ROBO2: variants seen among roughly 807,000 people sequenced by gnomAD.
The protein encoded by ROBO2 is roundabout homolog 2.
Under a neutral mutation model 160.8 loss-of-function variants are expected in ROBO2, and 53 were observed. The observed-to-expected ratio is 0.33, with a 90% CI of 0.26 to 0.41. ROBO2 has a LOEUF of 0.41. Ranked by LOEUF, ROBO2 falls within the 10% of genes least tolerant of loss-of-function variation. The pLI is 1.00. For synonymous variants in ROBO2, 664 were observed against 611.7 expected, an observed-to-expected ratio of 1.09 and a Z score of -1.26; for missense variants, 1,577 against 1,722.4, an observed-to-expected ratio of 0.92 and a Z score of 1.49.
chr3:76,365,362 T>G (rs2075755443), intron 2 of ROBO2, among the ~76,000 whole-genome samples: 1 of 152,108 alleles, frequency 6.6e-6, no homozygotes, highest in Non-Finnish European at 1.5e-5. Flanking sequence ...CTCTTTCCTC[T>G]GAGCCTTTAA....
At chr3:76,504,581 T>C (rs920250444) in intron 2 of ROBO2, among the ~76,000 whole-genome samples, 4 of 132,764 alleles carry the variant, frequency 3.0e-5, no homozygotes, top group African/African-American at 1.1e-4. Flanking sequence ...CAGGCTGGAG[T>C]GCAGTGGTGC....
At chr3:76,014,992 A>G (rs1306397248) in intron 2 of ROBO2, among the ~76,000 whole-genome samples, 1 of 152,190 alleles carries the variant, frequency 6.6e-6, no homozygotes. Flanking sequence ...TAGGCCCTCA[A>G]TAACTTGAGC....
intron 2 of ROBO2, among the ~76,000 whole-genome samples, chr3:76,847,420 G>T (rs1559595977): frequency 1.3e-5 from 2 of 152,106 alleles, no homozygotes; most frequent in Admixed American, 6.6e-5. Flanking sequence ...ATGTACAAGA[G>T]ATTAATGGAT....
intron 2 of ROBO2, among the ~76,000 whole-genome samples, chr3:76,115,522 G>A (rs1042091504): frequency 3.3e-5 from 5 of 151,854 alleles, no homozygotes; most frequent in Non-Finnish European, 5.9e-5. Context: ...CAAGCTGCTT[G>A]GTATGTAAAA....
At chr3:76,637,028 C>A (rs2090378767) in intron 2 of ROBO2, among the ~76,000 whole-genome samples, 1 of 151,924 alleles carries the variant, frequency 6.6e-6, no homozygotes, top group African/African-American at 2.4e-5. Context: ...TGGGACTGAG[C>A]AAGCAGCAAG....
intron 2 of ROBO2, among the ~76,000 whole-genome samples, chr3:76,844,745 C>T (rs1475419672): frequency 2.0e-5 from 3 of 151,904 alleles, no homozygotes; most frequent in African/African-American, 7.2e-5. Flanking sequence ...AACACTCAAT[C>T]TAGAGGTTTG....
intron 2 of ROBO2, among the ~76,000 whole-genome samples, chr3:76,025,784 C>G (rs72890380): frequency 0.016 from 2,505 of 151,850 alleles, 62 homozygotes; most frequent in African/African-American, 0.057. Flanking sequence ...ATGTCTGGCT[C>G]CTAGTCACAA....
intron 2 of ROBO2, among the ~76,000 whole-genome samples, chr3:75,998,649 GT>G (rs2065795468): frequency 6.6e-6 from 1 of 152,180 alleles, no homozygotes; most frequent in African/African-American, 2.4e-5. Context: ...AACAATGTCA[GT>G]TTCTATCAGC....
At chr3:77,450,945 T>A (rs1469998858) in intron 2 of ROBO2, among the ~76,000 whole-genome samples, 7 of 151,990 alleles carry the variant, frequency 4.6e-5, no homozygotes, top group African/African-American at 9.7e-5. Flanking sequence ...GAAGGCATAT[T>A]TGAAATTCTA....
At chr3:77,442,098 G>A (rs143036271) in intron 2 of ROBO2, among the ~76,000 whole-genome samples, 1 of 152,046 alleles carries the variant, frequency 6.6e-6, no homozygotes, top group Admixed American at 6.5e-5. Context: ...GGATCACGAG[G>A]TCAGGAAATC....
intron 2 of ROBO2, among the ~76,000 whole-genome samples, chr3:75,997,156 C>T (rs1020345090): frequency 3.9e-5 from 6 of 152,102 alleles, no homozygotes; most frequent in Non-Finnish European, 8.8e-5. Flanking sequence ...CTCTAAATGA[C>T]ATTGGAAATG....
At chr3:76,079,625 A>G (rs2068753580) in intron 2 of ROBO2, among the ~76,000 whole-genome samples, 1 of 151,744 alleles carries the variant, frequency 6.6e-6, no homozygotes, top group African/African-American at 2.4e-5. Context: ...CTGGGATTAG[A>G]GGCGCATGCC....
chr3:76,497,134 C>T (rs2080192428), intron 2 of ROBO2, among the ~76,000 whole-genome samples: 1 of 152,186 alleles, frequency 6.6e-6, no homozygotes, highest in African/African-American at 2.4e-5. Flanking sequence ...ACTCCTGCCT[C>T]AGGGCCTTTG....
Position 76,802,271 on chromosome 3 carries a change from G to A in ROBO2, c.110-295743G>A, listed in dbSNP as rs1167034. Among the ~76,000 whole-genome samples, 1,143 of 152,276 alleles carry A rather than the reference G, an allele frequency of 7.5e-3. 9 individuals carry two copies. Among genetic ancestry groups the A allele is most frequent in the African/African-American group, 0.018 (729 of 41,552 alleles). On this transcript the variant is annotated intron_variant, in intron 2 of 26. Transcript: ENST00000487694. The stretch of plus-strand genomic sequence containing the variant: ...CAATATCTGCAGAGTGCAATCAAGC[G>A]AAGCACAATAAAATGAGATTTTTCC...
chr3:77,296,244 A>T (rs2153406015), intron 2 of ROBO2, among the ~76,000 whole-genome samples: 1 of 151,856 alleles, frequency 6.6e-6, no homozygotes, highest in Non-Finnish European at 1.5e-5. Flanking sequence ...GTAAAGACAT[A>T]AAGTAGAATT....
At chr3:76,911,722 A>G (rs1011374804) in intron 2 of ROBO2, among the ~76,000 whole-genome samples, 1 of 152,208 alleles carries the variant, frequency 6.6e-6, no homozygotes, top group African/African-American at 2.4e-5. Flanking sequence ...AATACAAATT[A>G]TTTTTGACTG....
intron 2 of ROBO2, among the ~76,000 whole-genome samples, chr3:76,046,114 T>C (rs1339591742): frequency 2.6e-5 from 4 of 151,930 alleles, no homozygotes; most frequent in Admixed American, 1.3e-4. Flanking sequence ...ATGAGGATGT[T>C]TGTGCTACAT....
chr3:77,039,199 C>G (rs993662585), upstream of ROBO2, among the ~76,000 whole-genome samples: 2 of 152,126 alleles, frequency 1.3e-5, no homozygotes, highest in Non-Finnish European at 2.9e-5. Context: ...CTTTTTCTCC[C>G]CCTTGTGCTT....
At chr3:77,355,182 C>CATACCCTAGGGGTTCTATCACATACCT (rs1286241584) in intron 2 of ROBO2, among the ~76,000 whole-genome samples, 2 of 152,094 alleles carry the variant, frequency 1.3e-5, no homozygotes, top group African/African-American at 2.4e-5. Flanking sequence ...CTCCCATCCC[C>CATACCCTAGGGGTTCTATCACATACCT]TTACCCCAGG....
Sources: allele counts gnomAD v4.1 joint callset (sites outside exome capture counted in the v4.1 genomes callset), GRCh38; gene constraint gnomAD v4.1.1; transcripts MANE v1.5; gene names NCBI Gene and HGNC (gene_info 2026-07-23, HGNC 2026-07-21).